The following KHDRBS2 variants were observed in gnomAD, a reference collection of about 807,000 sequenced individuals.
The protein encoded by KHDRBS2 is KH domain-containing, RNA-binding, signal transduction-associated protein 2.
A neutral mutation model predicts 44.3 loss-of-function variants in KHDRBS2; 26 were observed. The ratio of observed to expected loss-of-function variants is 0.59; its 90% CI spans 0.43 to 0.81. KHDRBS2 has a LOEUF of 0.81. Ranked by LOEUF, KHDRBS2 falls within the 40% of genes least tolerant of loss-of-function variation. KHDRBS2 has a pLI of 0.00. For missense variants in KHDRBS2, 476 were observed against 433.1 expected (o/e 1.10, Z -0.88); for synonymous variants, 194 against 151.1 (o/e 1.28, Z -2.08).
the KHDRBS2 span, among the ~76,000 whole-genome samples, chr6:61,617,059 C>A: frequency 6.6e-6 from 1 of 151,890 alleles, no homozygotes; most frequent in African/African-American, 2.4e-5. Context: ...ACTTTCAGAA[C>A]AAGAGAAATG....
At chr6:61,893,395 C>G (rs1802346062) in intron 6 of KHDRBS2, among the ~76,000 whole-genome samples, 1 of 152,134 alleles carries the variant, frequency 6.6e-6, no homozygotes, top group Non-Finnish European at 1.5e-5. Context: ...CATCCCATTA[C>G]TGGGTATATA....
intron 6 of KHDRBS2, among the ~76,000 whole-genome samples, chr6:61,770,561 C>A (rs143334756): frequency 3.9e-5 from 6 of 152,114 alleles, no homozygotes; most frequent in Non-Finnish European, 7.4e-5. Context: ...GTAGACGATG[C>A]GATCAACTGG....
intron 6 of KHDRBS2, among the ~76,000 whole-genome samples, chr6:61,769,247 C>G (rs934177381): frequency 2.0e-5 from 3 of 152,060 alleles, no homozygotes; most frequent in Non-Finnish European, 4.4e-5. Flanking sequence ...ACACAGAACA[C>G]GGGTGATTTC....
At chr6:62,132,846 A>G (rs1400936454) in intron 2 of KHDRBS2, among the ~76,000 whole-genome samples, 1 of 152,208 alleles carries the variant, frequency 6.6e-6, no homozygotes, top group African/African-American at 2.4e-5. Context: ...CAGAAATCAT[A>G]TATCATAATA....
the KHDRBS2 span, among the ~76,000 whole-genome samples, chr6:61,636,064 A>C: frequency 6.6e-6 from 1 of 152,044 alleles, no homozygotes; most frequent in Non-Finnish European, 1.5e-5. Context: ...CATATTCCAC[A>C]ATATTCCGTA....
chr6:62,103,097 A>G (rs1387377657), intron 2 of KHDRBS2, among the ~76,000 whole-genome samples: 1 of 152,088 alleles, frequency 6.6e-6, no homozygotes, highest in Non-Finnish European at 1.5e-5. Flanking sequence ...GAAGGCCTGG[A>G]AAAAGTACCA....
chr6:62,026,382 C>G (rs1388457546), intron 3 of KHDRBS2, among the ~76,000 whole-genome samples: 1 of 149,848 alleles, frequency 6.7e-6, no homozygotes, highest in Non-Finnish European at 1.5e-5. Context: ...TCTTTTCTTT[C>G]TTTCCTTCTT....
chr6:61,554,717 C>T, the KHDRBS2 span, among the ~76,000 whole-genome samples: 46 of 152,258 alleles, frequency 3.0e-4, no homozygotes, highest in African/African-American at 9.1e-4. Flanking sequence ...CAGCAAAATC[C>T]GATAGCATTT....
chr6:62,100,881 T>C (rs1378638352), intron 2 of KHDRBS2, among the ~76,000 whole-genome samples: 8 of 152,186 alleles, frequency 5.3e-5, no homozygotes, highest in African/African-American at 1.9e-4. Context: ...ATGCCTATAC[T>C]TGCAGACTAA....
intron 7 of KHDRBS2, among the ~76,000 whole-genome samples, chr6:61,723,097 G>A (rs950845712): frequency 6.6e-6 from 1 of 151,710 alleles, no homozygotes; most frequent in Non-Finnish European, 1.5e-5. Context: ...AGGCAACTAG[G>A]GTCTGAAGCA....
intron 3 of KHDRBS2, among the ~76,000 whole-genome samples, chr6:62,036,682 T>C (rs114858976): frequency 9.9e-5 from 15 of 152,058 alleles, no homozygotes; most frequent in Admixed American, 8.5e-4. Flanking sequence ...AATCTACTAG[T>C]GAAAGCAAGC....
rs79760195 is a variant in KHDRBS2 at position 62,285,516 on chromosome 6, T to C, written c.91+342A>G. Among the ~76,000 whole-genome samples the C allele has an allele frequency of 5.1e-3, 775 of 152,320 alleles. 9 individuals are homozygous for C. The highest frequency in any genetic ancestry group is 0.018 in the African/African-American group (733 of 41,582). ...GAACACTACATTGATCACCATTTAC[T>C]TCCAAACTGCTTTCCCTTCCCTCTG... is the stretch of plus-strand genomic sequence containing the variant. On this transcript the variant is annotated intron_variant, in intron 1 of 8. Coordinates refer to ENST00000281156, the MANE Select transcript of KHDRBS2 (RefSeq NM_152688.4).
At chr6:62,205,660 G>A (rs183373984) in intron 1 of KHDRBS2, among the ~76,000 whole-genome samples, 169 of 152,176 alleles carry the variant, frequency 1.1e-3, no homozygotes, top group Non-Finnish European at 2.0e-3. Context: ...TAGAGATGCA[G>A]GGTGAGGCAA....
At chr6:61,614,125 A>G in the KHDRBS2 span, among the ~76,000 whole-genome samples, 1 of 152,202 alleles carries the variant, frequency 6.6e-6, no homozygotes, top group Non-Finnish European at 1.5e-5. Context: ...GTTCCCAAAT[A>G]GTGAGAACCT....
At position 62,250,143 on chromosome 6, in the gene KHDRBS2, C is replaced by T. The variant is rs117379154; in HGVS notation, c.91+35715G>A. On this transcript the variant is annotated intron_variant, in intron 1 of 8. Transcript: ENST00000281156. ...TCAGTCCTAAGGAATACAAAGTGCA[C>T]GCTGACTCTCCTGACAAATGAAGAA... Among the ~76,000 whole-genome samples, 195 of 152,136 alleles carry T rather than the reference C, an allele frequency of 1.3e-3. 1 individual carries two copies. The East Asian group carries it at 0.024, about 19-fold the overall frequency.
chr6:61,974,662 GT>G (rs1772136685), intron 4 of KHDRBS2, among the ~76,000 whole-genome samples: 1 of 151,980 alleles, frequency 6.6e-6, no homozygotes, highest in Non-Finnish European at 1.5e-5. Flanking sequence ...TCTGGGTGTG[GT>G]GGCTCACATC....
chr6:62,209,591 T>C (rs757433447), intron 1 of KHDRBS2, among the ~76,000 whole-genome samples: 1 of 152,198 alleles, frequency 6.6e-6, no homozygotes, highest in Admixed American at 6.5e-5. Flanking sequence ...CTTGATTATA[T>C]TGAAGGCTGC....
chr6:62,100,902 G>C (rs1483637421), intron 2 of KHDRBS2, among the ~76,000 whole-genome samples: 1 of 152,128 alleles, frequency 6.6e-6, no homozygotes, highest in Admixed American at 6.6e-5. Flanking sequence ...AGAAAGAGAT[G>C]AAAGCTATTG....
intron 6 of KHDRBS2, among the ~76,000 whole-genome samples, chr6:61,887,439 TG>T (rs1360189744): frequency 1.3e-5 from 2 of 152,080 alleles, no homozygotes; most frequent in Non-Finnish European, 2.9e-5. Flanking sequence ...AGAAGGTCAA[TG>T]AAAAAAAGCT....
Sources: allele counts gnomAD v4.1 joint callset (sites outside exome capture counted in the v4.1 genomes callset), GRCh38; gene constraint gnomAD v4.1.1; transcripts MANE v1.5; gene names NCBI Gene and HGNC (gene_info 2026-07-23, HGNC 2026-07-21).